The following RBMX2 variants were observed in gnomAD, a reference collection of about 807,000 sequenced individuals.
RBMX2 encodes RNA binding motif protein X-linked 2.
For missense variants in RBMX2, 191 were observed against 256.0 expected, an observed-to-expected ratio of 0.75 and a Z score of 1.73; for synonymous variants, 77 against 94.3, an observed-to-expected ratio of 0.82 and a Z score of 1.07.
intron 1 of RBMX2, 93 bp downstream of exon 1, chrX:130,402,130 G>GGCGGGAGCGGC (rs1311712585): frequency 8.6e-7 from 1 of 1,162,021 alleles, no homozygotes; most frequent in Non-Finnish European, 1.2e-6. Context: ...GGGGCCGAGG[G>GGCGGGAGCGGC]GCGGGAGCGG....
At chrX:130,403,927 C>T (rs1284455276) in intron 3 of RBMX2, 74 bp downstream of exon 3, 2 of 1,037,974 alleles carry the variant, frequency 1.9e-6, no homozygotes, top group Non-Finnish European at 2.7e-6. Context: ...TGTGGCATCA[C>T]AAAAACCACT....
chrX:130,410,549 G>T (rs925956333), intron 4 of RBMX2, among the ~76,000 whole-genome samples: 1 of 110,521 alleles, frequency 9.0e-6, no homozygotes, highest in Admixed American at 9.6e-5. Flanking sequence ...ACCATGCCCG[G>T]CAAATTTTTG....
chrX:130,405,023 T>C (rs780777856), intron 3 of RBMX2, among the ~76,000 whole-genome samples: 49 of 112,370 alleles, frequency 4.4e-4, no homozygotes, highest in Non-Finnish European at 7.5e-4. Flanking sequence ...TTCTCTATTC[T>C]GGTTACGCAC....
chrX:130,402,224 T>TTGCC, intron 1 of RBMX2, 31 bp from the exon 2 acceptor site: 12 of 1,174,234 alleles, frequency 1.0e-5, no homozygotes, highest in African/African-American at 3.6e-5. Context: ...CTTTTCTGCC[T>TTGCC]ACCCTCCCCA....
At position 130,413,610 on chromosome X, in the gene RBMX2, T is replaced by G. The variant is rs1434185504; in HGVS notation, c.*762T>G. On this transcript the variant is annotated 3_prime_UTR_variant, in exon 6 of 6. Coordinates refer to ENST00000305536, the MANE Select transcript of RBMX2 (RefSeq NM_016024.4). Reference sequence around the variant, plus strand: ...AGCAACCACCAGTGGACTTCCTGTTTATGGGTTTGCCTATTCTGGATCTTT... The same window carrying G: ...AGCAACCACCAGTGGACTTCCTGTTGATGGGTTTGCCTATTCTGGATCTTT... 1.5e-4 allele frequency among the ~76,000 whole-genome samples: 16 copies of G among 110,345 alleles called. No homozygotes were observed. The highest frequency in any genetic ancestry group is 3.0e-4 in the Non-Finnish European group (16 of 52,825).
chrX:130,407,381 G>A (rs1683695953), intron 3 of RBMX2, among the ~76,000 whole-genome samples: 1 of 110,941 alleles, frequency 9.0e-6, no homozygotes, highest in South Asian at 3.8e-4. Context: ...GAAAGGTAGT[G>A]TTACTTCCTT....
At chrX:130,404,664 G>C (rs1015922657) in intron 3 of RBMX2, among the ~76,000 whole-genome samples, 1 of 113,008 alleles carries the variant, frequency 8.8e-6, no homozygotes, top group Non-Finnish European at 1.9e-5. Flanking sequence ...AGCGAACACC[G>C]GTAGCATACA....
At chrX:130,402,910 A>G (rs757584833) in intron 2 of RBMX2, among the ~76,000 whole-genome samples, 1 of 112,640 alleles carries the variant, frequency 8.9e-6, no homozygotes, top group Admixed American at 9.4e-5. Context: ...TGATGCTTCA[A>G]AGAGGTTATT....
intron 2 of RBMX2, among the ~76,000 whole-genome samples, chrX:130,402,626 C>G (rs764629118): frequency 1.1e-4 from 12 of 112,165 alleles, no homozygotes; most frequent in African/African-American, 3.6e-4. Flanking sequence ...TTATTTCTCT[C>G]TCACCCTCTG....
At chrX:130,404,160 A>G in intron 3 of RBMX2, 1 of 288,265 alleles carries the variant, frequency 3.5e-6, no homozygotes, top group Non-Finnish European at 6.2e-6. Context: ...GGGCTCTTGC[A>G]AACTAGGGGT....
intron 4 of RBMX2, 113 bp downstream of exon 4, chrX:130,409,499 CG>C: frequency 1.2e-6 from 1 of 805,664 alleles, no homozygotes; most frequent in Non-Finnish European, 1.8e-6. Context: ...TGGTGTGTTG[CG>C]GGGGCTGCAG....
intron 3 of RBMX2, among the ~76,000 whole-genome samples, chrX:130,405,752 C>T (rs1182102790): frequency 9.2e-6 from 1 of 108,747 alleles, no homozygotes; most frequent in African/African-American, 3.3e-5. Flanking sequence ...CATTAGAATG[C>T]CCATTTTTCT....
At position 130,409,344 on chromosome X, in the gene RBMX2, G is replaced by A; in HGVS notation, c.261G>A (p.Gln87=). 1 of 1,209,758 alleles carries A rather than the reference G, an allele frequency of 8.3e-7. No individual in the cohort carries two copies. Among genetic ancestry groups the A allele is most frequent in the Non-Finnish European group, 1.1e-6 (1 of 894,302 alleles). ...TCTGTTTCCTCTGCTATGAAGACCA[G>A]AGGAGCACAATTCTGGCCGTCGACA... The part of the protein sequence containing the change: ...KGFCFLCYED[Q]RSTILAVDNF... The change falls in exon 4 of 6, where the codon CAG becomes CAA. Residue 87 remains glutamine, a synonymous_variant. Coordinates refer to ENST00000305536, the MANE Select transcript of RBMX2 (RefSeq NM_016024.4).
intron 2 of RBMX2, 108 bp downstream of exon 2, chrX:130,402,478 T>G (rs150625450): frequency 9.2e-7 from 1 of 1,088,881 alleles, no homozygotes; most frequent in African/African-American, 1.9e-5. Context: ...TCGCCCACCT[T>G]CATATCCATC....
At chrX:130,407,609 A>T (rs981746488) in intron 3 of RBMX2, among the ~76,000 whole-genome samples, 1 of 107,041 alleles carries the variant, frequency 9.3e-6, no homozygotes, top group East Asian at 2.9e-4. Context: ...CCTCTAACTT[A>T]CCTGGAATTT....
At position 130,412,724 on chromosome X, in the gene RBMX2, G is replaced by C; in HGVS notation, c.845G>C (p.Gly282Ala). ...SSDAHSSWYN[G>A]RSEGRSYRSR... Reference sequence around the variant, plus strand: ...GATGCACATTCTAGCTGGTATAATGGGCGTTCTGAAGGGCGTAGTTATAGA... The same window carrying C: ...GATGCACATTCTAGCTGGTATAATGCGCGTTCTGAAGGGCGTAGTTATAGA... Residue 282 changes from glycine (G) to alanine (A), a missense_variant, in exon 6 of 6, where the codon GGG (glycine) becomes GCG (alanine). Coordinates refer to ENST00000305536, the MANE Select transcript of RBMX2 (RefSeq NM_016024.4). The C allele has an allele frequency of 1.7e-6, 2 of 1,211,071 alleles. No homozygotes were observed. Among genetic ancestry groups the C allele is most frequent in the African/African-American group, 3.5e-5 (2 of 57,572 alleles).
intron 3 of RBMX2, among the ~76,000 whole-genome samples, chrX:130,408,092 A>G (rs967755434): frequency 9.2e-6 from 1 of 108,695 alleles, no homozygotes; most frequent in Non-Finnish European, 1.9e-5. Flanking sequence ...CTGCCTCCCA[A>G]AGTGCTGGTA....
chrX:130,405,224 C>A (rs1350068653), intron 3 of RBMX2, among the ~76,000 whole-genome samples: 1 of 109,175 alleles, frequency 9.2e-6, no homozygotes, highest in Non-Finnish European at 1.9e-5. Flanking sequence ...ACTAAAAATA[C>A]AAAAATTAGC....
Position 130,412,948 on chromosome X carries a change from C to T in RBMX2, c.*100C>T. 8 of 901,899 alleles carry T rather than the reference C, an allele frequency of 8.9e-6. No homozygotes were observed. The highest frequency in any genetic ancestry group is 1.2e-5 in the Non-Finnish European group (8 of 665,692). The allele number at this position is 901,899 out of a possible 1,213,427, so 74.3% of individuals were successfully genotyped here. On this transcript the variant is annotated 3_prime_UTR_variant, in exon 6 of 6. Coordinates refer to ENST00000305536, the MANE Select transcript of RBMX2 (RefSeq NM_016024.4). ...ATTTTTGTATCTAAAACTTCTGGGGCTGGATTCTTTTAATCCCTTGACTAT... is the reference window on the plus strand; with the variant it reads ...ATTTTTGTATCTAAAACTTCTGGGGTTGGATTCTTTTAATCCCTTGACTAT...
Sources: gnomAD v4.1 joint callset for allele counts (sites outside exome capture counted in the v4.1 genomes callset) on GRCh38, gnomAD v4.1.1 for gene constraint, MANE v1.5 for transcripts, NCBI Gene and HGNC (gene_info 2026-07-23, HGNC 2026-07-21) for gene names.